DGKB: variants seen among roughly 807,000 people sequenced by gnomAD.
DGKB encodes the protein 90 kDa diacylglycerol kinase.
In DGKB, 67 loss-of-function variants were observed where a neutral mutation model predicts 114.3. The ratio of observed to expected loss-of-function variants is 0.59; its 90% CI spans 0.48 to 0.72. The LOEUF (loss-of-function observed/expected upper bound fraction) is 0.72. Ranked by LOEUF, DGKB falls within the 30% of genes least tolerant of loss-of-function variation. DGKB has a pLI of 0.00. For missense variants in DGKB, 907 were observed against 975.2 expected, an observed-to-expected ratio of 0.93 and a Z score of 0.93; for synonymous variants, 398 against 323.1, an observed-to-expected ratio of 1.23 and a Z score of -2.49.
At chr7:14,555,368 G>A (rs1584781267) in intron 20 of DGKB, among the ~76,000 whole-genome samples, 1 of 152,080 alleles carries the variant, frequency 6.6e-6, no homozygotes, top group South Asian at 2.1e-4. Context: ...TTAGTACACG[G>A]CAAGGAAATT....
Position 14,464,127 on chromosome 7 carries a change from A to G in DGKB, c.1835+14034T>C, listed in dbSNP as rs553299101. Among the ~76,000 whole-genome samples, 9 of 152,130 alleles carry G rather than the reference A, an allele frequency of 5.9e-5. No individual in the cohort carries two copies. The East Asian group carries it at 1.5e-3, about 26-fold the overall frequency. On this transcript the variant is annotated intron_variant, in intron 21 of 25. Coordinates refer to ENST00000402815, the MANE Select transcript of DGKB (RefSeq NM_001350709.2). ...TTTTCTGTATGTCATATGATACTTT[A>G]AATTACTTTAGTTATATTTGAAAAT... is the stretch of plus-strand genomic sequence containing the variant.
intron 23 of DGKB, among the ~76,000 whole-genome samples, chr7:14,265,018 G>A (rs1011959786): frequency 5.3e-5 from 8 of 152,066 alleles, no homozygotes; most frequent in African/African-American, 1.2e-4. Flanking sequence ...GGCAGAATCT[G>A]TAAGGACTTT....
At chr7:14,879,271 G>C (rs547588300) in intron 1 of DGKB, among the ~76,000 whole-genome samples, 1 of 151,764 alleles carries the variant, frequency 6.6e-6, no homozygotes, top group African/African-American at 2.4e-5. Context: ...ATTTGTCTAT[G>C]TTAGGGAGCC....
intron 8 of DGKB, among the ~76,000 whole-genome samples, chr7:14,696,259 C>T (rs1370228713): frequency 6.6e-6 from 1 of 151,120 alleles, no homozygotes; most frequent in East Asian, 2.0e-4. Flanking sequence ...TTTGGGAGGC[C>T]GAGGCGGGTG....
intron 1 of DGKB, among the ~76,000 whole-genome samples, chr7:14,845,540 C>G (rs1018685020): frequency 1.3e-5 from 2 of 152,164 alleles, no homozygotes; most frequent in African/African-American, 4.8e-5. Flanking sequence ...CTACACTCCA[C>G]GATGTAAGCC....
At chr7:14,238,639 G>T (rs7799548) in intron 23 of DGKB, among the ~76,000 whole-genome samples, 30,667 of 151,576 alleles carry the variant, frequency 0.2, 3,145 homozygotes, top group Admixed American at 0.24. Flanking sequence ...CAGGACAGAG[G>T]GTTAAAGTTG....
intron 13 of DGKB, among the ~76,000 whole-genome samples, chr7:14,668,447 G>A (rs764818164): frequency 2.6e-5 from 4 of 152,166 alleles, no homozygotes; most frequent in Admixed American, 6.6e-5. Flanking sequence ...ATAACCACTC[G>A]GGCTCCACTT....
chr7:14,913,213 T>C (rs1216724201), intron 1 of DGKB, among the ~76,000 whole-genome samples: 2 of 151,978 alleles, frequency 1.3e-5, no homozygotes, highest in East Asian at 1.9e-4. Context: ...CTTGCTTTGT[T>C]TGGCACACAG....
At chr7:14,374,344 C>T (rs1441542744) in intron 21 of DGKB, among the ~76,000 whole-genome samples, 1 of 152,092 alleles carries the variant, frequency 6.6e-6, no homozygotes, top group South Asian at 2.1e-4. Flanking sequence ...CTCTTAAAAA[C>T]CTTTCCCCTC....
intron 20 of DGKB, among the ~76,000 whole-genome samples, chr7:14,536,993 G>A (rs934591584): frequency 6.6e-6 from 1 of 152,062 alleles, no homozygotes; most frequent in African/African-American, 2.4e-5. Context: ...AGTAAACACA[G>A]AAAAAGCAGT....
At chr7:14,551,745 A>T (rs1360730638) in intron 20 of DGKB, among the ~76,000 whole-genome samples, 1 of 152,142 alleles carries the variant, frequency 6.6e-6, no homozygotes, top group Non-Finnish European at 1.5e-5. Flanking sequence ...AATTGTGCAT[A>T]ATTATGCATA....
chr7:14,469,667 C>T (rs181744924), intron 21 of DGKB, among the ~76,000 whole-genome samples: 2 of 152,078 alleles, frequency 1.3e-5, no homozygotes, highest in East Asian at 3.9e-4. Context: ...CACACACAGT[C>T]CTGACTCATT....
intron 20 of DGKB, among the ~76,000 whole-genome samples, chr7:14,493,334 C>T (rs1784845879): frequency 6.6e-6 from 1 of 151,856 alleles, no homozygotes. Flanking sequence ...TATGGTTTTC[C>T]CTTACATATG....
intron 1 of DGKB, among the ~76,000 whole-genome samples, chr7:14,860,146 C>T (rs1259762185): frequency 4.6e-5 from 7 of 151,988 alleles, no homozygotes; most frequent in Non-Finnish European, 8.8e-5. Context: ...CAAGTATTTT[C>T]CTTGTTCAAT....
chr7:14,606,888 T>A (rs1030206229), intron 17 of DGKB, among the ~76,000 whole-genome samples: 2 of 152,044 alleles, frequency 1.3e-5, no homozygotes, highest in Non-Finnish European at 2.9e-5. Flanking sequence ...TCGTATGATT[T>A]TTTTCATTAA....
Position 14,685,264 on chromosome 7 carries a change from C to T in DGKB, c.810G>A (p.Lys270=). Residue 270 remains lysine, a synonymous_variant, in exon 10 of 26, where the codon AAG becomes AAA. Transcript: ENST00000402815. ...ACTCACAGGAACAGCAGAGGCCCTG[C>T]TTCCCCACGCCAATCAGCATGTTCA... ...LCLNMLIGVG[K]QGLCCSFCKY... 4 of 1,613,596 alleles carry T rather than the reference C, an allele frequency of 2.5e-6. No homozygotes were observed. The highest frequency in any genetic ancestry group is 1.6e-4 in the Middle Eastern group (1 of 6,062).
intron 23 of DGKB, among the ~76,000 whole-genome samples, chr7:14,221,892 T>A (rs1280059596): frequency 3.3e-5 from 5 of 151,430 alleles, no homozygotes; most frequent in Admixed American, 6.6e-5. Flanking sequence ...CAGTAGTTTG[T>A]GTCTTTCTAA....
chr7:14,718,897 G>A, intron 5 of DGKB: 1 of 463,504 alleles, frequency 2.2e-6, no homozygotes, highest in Non-Finnish European at 3.8e-6. Context: ...CACAGACATG[G>A]CACTGCCCTA....
At chr7:14,611,925 CT>C (rs1232139883) in intron 16 of DGKB, among the ~76,000 whole-genome samples, 1 of 151,176 alleles carries the variant, frequency 6.6e-6, no homozygotes, top group Non-Finnish European at 1.5e-5. Context: ...GGAAAGTTTT[CT>C]TTTTTTGTTA....
Sources: allele counts gnomAD v4.1 joint callset (sites outside exome capture counted in the v4.1 genomes callset), GRCh38; gene constraint gnomAD v4.1.1; transcripts MANE v1.5; gene names NCBI Gene and HGNC (gene_info 2026-07-23, HGNC 2026-07-21).